Variants in KAT7 observed in about 807,000 individuals in gnomAD.
KAT7 encodes the protein lysine acetyltransferase 7, also known as histone acetyltransferase KAT7.
In KAT7, 10 loss-of-function variants were observed where a neutral mutation model predicts 82.1. The ratio of observed to expected loss-of-function variants is 0.12; its 90% CI spans 0.08 to 0.21. The LOEUF is 0.21. KAT7 is among the 10% of genes least tolerant of loss of function. The probability of loss-of-function intolerance (pLI) is 1.00; values close to 1 mark genes in which losing one functional copy is unlikely to be tolerated. For missense variants in KAT7, 378 were observed against 760.9 expected, an observed-to-expected ratio of 0.50 and a Z score of 5.92; for synonymous variants, 250 against 262.5, an observed-to-expected ratio of 0.95 and a Z score of 0.46.
chr17:49,804,214 C>T (rs927876044), intron 4 of KAT7, among the ~76,000 whole-genome samples: 10 of 151,780 alleles, frequency 6.6e-5, no homozygotes, highest in Non-Finnish European at 1.2e-4. Flanking sequence ...CCCATCTCTA[C>T]TAAAAATACA....
In KAT7 at chr17:49,805,373, A is replaced by G; in HGVS notation, c.591A>G (p.Thr197=). The stretch of plus-strand genomic sequence containing the variant: ...TCCCTCCTTTAACAGGACACCTTAC[A>G]GGAAAACATGAGAGACATTTCTCCA... ...TPGCNSLGHL[T]GKHERHFSIS... is the part of the protein sequence containing the mutation. The change falls in exon 5 of 15, where the codon ACA becomes ACG. Residue 197 remains threonine (T), a synonymous_variant. Coordinates refer to ENST00000259021, the MANE Select transcript of KAT7 (RefSeq NM_007067.5). The G allele has an allele frequency of 6.2e-7, 1 of 1,610,032 alleles. No individual in the cohort carries two copies. The highest frequency in any genetic ancestry group is 8.5e-7 in the Non-Finnish European group (1 of 1,176,410).
intron 6 of KAT7, among the ~76,000 whole-genome samples, chr17:49,810,259 AATTT>A (rs977061800): frequency 6.6e-6 from 1 of 151,986 alleles, no homozygotes; most frequent in African/African-American, 2.4e-5. Flanking sequence ...AATTTAATTT[AATTT>A]ATTTATTTTT....
intron 1 of KAT7, chr17:49,789,159 C>T: frequency 3.7e-6 from 1 of 268,506 alleles, no homozygotes; most frequent in Non-Finnish European, 7.1e-6. Context: ...CGGTCACCTC[C>T]CCGCGTGCGG....
chr17:49,811,474 A>C lies in KAT7; in HGVS notation c.754-2A>C. The stretch of plus-strand genomic sequence containing the variant: ...TCTCAGTTTTCTCCTTTTTCCTTTT[A>C]GGCACCAACGGAGAGACAGCTTCGA... On this transcript the variant is annotated splice_acceptor_variant, in intron 6 of 14. Coordinates refer to ENST00000259021, the MANE Select transcript of KAT7 (RefSeq NM_007067.5). LOFTEE classifies it high-confidence loss of function. 1 of 1,448,862 alleles carries C rather than the reference A, an allele frequency of 6.9e-7. No homozygotes were observed. Among genetic ancestry groups the C allele is most frequent in the Non-Finnish European group, 9.4e-7 (1 of 1,067,296 alleles). The allele number at this position is 1,448,862 out of a possible 1,614,324, so 89.8% of individuals were successfully genotyped here.
intron 9 of KAT7, among the ~76,000 whole-genome samples, chr17:49,819,721 A>G (rs2074278656): frequency 6.6e-6 from 1 of 152,202 alleles, no homozygotes; most frequent in Non-Finnish European, 1.5e-5. Context: ...AGGTGTGATC[A>G]CTGAAATGAA....
In KAT7 at chr17:49,788,720, G is replaced by A. The variant is rs536743421; in HGVS notation, c.-115G>A. The A allele has an allele frequency of 8.6e-7, 1 of 1,168,114 alleles. No homozygotes were observed. Among genetic ancestry groups the A allele is most frequent in the Non-Finnish European group, 1.2e-6 (1 of 841,276 alleles). 72.4% of individuals were successfully genotyped at this position (1,168,114 alleles called of 1,614,324 possible). The stretch of plus-strand genomic sequence containing the variant: ...ACGCTGAGAGGCAGGAGGCACTAGG[G>A]ATCGTCCGCAGGATTGGGACTGATA... On this transcript the variant is annotated 5_prime_UTR_variant, in exon 1 of 15. Coordinates refer to ENST00000259021, the MANE Select transcript of KAT7 (RefSeq NM_007067.5).
chr17:49,788,846 G>T lies in KAT7; in HGVS notation c.12G>T (p.Arg4Ser). ...CGCAGCCGCCGGCAATGCCGCGAAG[G>T]AAGGTGAGAAACGGGAGAGGAGGGA... MPRRKRNAGSSSDG... is the reference protein window; with the variant it reads MPRSKRNAGSSSDG... Residue 4 changes from arginine (R) to serine (S), a missense_variant, in exon 1 of 15, where the codon AGG becomes AGT. Coordinates refer to ENST00000259021, the MANE Select transcript of KAT7 (RefSeq NM_007067.5). 1.9e-6 allele frequency: 3 copies of T among 1,590,062 alleles called. No individual in the cohort carries two copies. Among genetic ancestry groups the T allele is most frequent in the Non-Finnish European group, 2.6e-6 (3 of 1,166,640 alleles).
At chr17:49,826,314 G>T in intron 13 of KAT7, 168 bp downstream of exon 13, 1 of 608,208 alleles carries the variant, frequency 1.6e-6, no homozygotes, top group Non-Finnish European at 2.8e-6. Flanking sequence ...CCTGGGAATG[G>T]TTATTAATTG....
Position 49,817,993 on chromosome 17 carries a change from G to T in KAT7, c.1137G>T (p.Thr379=), listed in dbSNP as rs760864168. ...GTTTAAAATATATGAAGAGCCAAAC[G>T]ATACTCCGCCGGCACATGGTGAGTT... ...EFCLKYMKSQ[T]ILRRHMAKCV... The change falls in exon 9 of 15, where the codon ACG becomes ACT. Residue 379 remains threonine, a synonymous_variant. Transcript: ENST00000259021. The T allele has an allele frequency of 6.2e-6, 10 of 1,613,588 alleles. No individual in the cohort carries two copies. The highest frequency in any genetic ancestry group is 2.7e-5 in the African/African-American group (2 of 74,912).
Position 49,833,117 on chromosome 17 carries a change from C to T in KAT7, c.*5615C>T, listed in dbSNP as rs552083083. 6.6e-6 allele frequency: 1 copy of T among 152,284 alleles called. No homozygotes were observed. The highest frequency in any genetic ancestry group is 2.4e-5 in the African/African-American group (1 of 41,564). 9.4% of individuals were successfully genotyped at this position (152,284 alleles called of 1,614,324 possible). On this transcript the variant is annotated 3_prime_UTR_variant, in exon 15 of 15. Coordinates refer to ENST00000259021, the MANE Select transcript of KAT7 (RefSeq NM_007067.5). The stretch of plus-strand genomic sequence containing the variant: ...TTTGCCCCTAACCTCTTGTGCAATA[C>T]CTTTAAGTCCAGGTCATGTTGTTAC...
At position 49,798,539 on chromosome 17, in the gene KAT7, AC is replaced by A; in HGVS notation, c.563del (p.Pro188GlnfsTer6). 6.2e-7 allele frequency: 1 copy of A among 1,611,668 alleles called. No homozygotes were observed. The highest frequency in any genetic ancestry group is 8.5e-7 in the Non-Finnish European group (1 of 1,178,008). ...ACAACTTCAATATGAAGTGTCCTACACCAGGCTGTAACTCTCTAGGTCAGTG... is the reference window on the plus strand; with the variant it reads ...ACAACTTCAATATGAAGTGTCCTACACAGGCTGTAACTCTCTAGGTCAGTG... The part of the protein sequence containing the change: ...SYNFNMKCPT[P>X]GCNSLGHLTG... On this transcript the variant is annotated frameshift_variant, in exon 4 of 15. Coordinates refer to ENST00000259021, the MANE Select transcript of KAT7 (RefSeq NM_007067.5). LOFTEE classifies it high-confidence loss of function.
rs79791586 is a variant in KAT7, at chr17:49,824,257, C to G, written c.1480+962C>G. Among the ~76,000 whole-genome samples the G allele has an allele frequency of 6.5e-3, 990 of 152,284 alleles. 11 individuals are homozygous for G. Among genetic ancestry groups the G allele is most frequent in the African/African-American group, 0.023 (947 of 41,556 alleles). On this transcript the variant is annotated intron_variant, in intron 12 of 14. Transcript: ENST00000259021. ...AACATAACTGCTGTGAATAACAAGA[C>G]TCTACTGTGTGTTATTCTATATTTG...
rs545913385 is a variant in KAT7, at chr17:49,790,196, T to G, written c.15+1347T>G. The stretch of plus-strand genomic sequence containing the variant: ...GCTGGTGGGTGGTATGTATGTGTTT[T>G]TTTGTTTGTTTGTTTTTGAGACGAG... On this transcript the variant is annotated intron_variant, in intron 1 of 14. Transcript: ENST00000259021. 2.0e-5 allele frequency among the ~76,000 whole-genome samples: 3 copies of G among 152,178 alleles called. No homozygotes were observed. In the East Asian group the frequency reaches 5.8e-4, roughly 29 times the overall value.
In KAT7 at chr17:49,829,256, T is replaced by TA. The variant is rs1400630025; in HGVS notation, c.*1757dup. ...TTTTCCCTGTGATACAGGCTGTCTG[T>TA]AAAGATCAAGGGAGTGCTCACTCTG... On this transcript the variant is annotated 3_prime_UTR_variant, in exon 15 of 15. Coordinates refer to ENST00000259021, the MANE Select transcript of KAT7 (RefSeq NM_007067.5). The TA allele has an allele frequency of 6.6e-6, 1 of 152,228 alleles. No homozygotes were observed. The highest frequency in any genetic ancestry group is 1.5e-5 in the Non-Finnish European group (1 of 68,036). 9.4% of individuals were successfully genotyped at this position (152,228 alleles called of 1,614,324 possible). A position where few individuals can be genotyped will look rare whatever the true frequency, so the allele number is the denominator to read the frequency against.
At chr17:49,810,091 T>G (rs534689309) in intron 6 of KAT7, among the ~76,000 whole-genome samples, 4 of 152,298 alleles carry the variant, frequency 2.6e-5, no homozygotes, top group Admixed American at 1.3e-4. Context: ...GCAGGTCAAC[T>G]AACCTATTTC....
chr17:49,823,336 A>G (rs959709668), intron 12 of KAT7, 41 bp downstream of exon 12: 2 of 1,054,132 alleles, frequency 1.9e-6, no homozygotes, highest in African/African-American at 3.1e-5. Context: ...CAAGGCAGGG[A>G]CCATGTGAAT....
Position 49,833,864 on chromosome 17 carries a change from C to T in KAT7, c.*6362C>T, listed in dbSNP as rs2074442913. 6.6e-6 allele frequency: 1 copy of T among 152,176 alleles called. No individual in the cohort carries two copies. The highest frequency in any genetic ancestry group is 1.5e-5 in the Non-Finnish European group (1 of 68,040). The allele number at this position is 152,176 out of a possible 1,614,324, so 9.4% of individuals were successfully genotyped here. A position where few individuals can be genotyped will look rare whatever the true frequency, so the allele number is the denominator to read the frequency against. ...GATACATGGCAATGGAGAAGTGAAA[C>T]AAGGGGACTTCGGAAACTAAAGGGC... On this transcript the variant is annotated 3_prime_UTR_variant, in exon 15 of 15. Transcript: ENST00000259021.
At chr17:49,802,838 A>C (rs543643433) in intron 4 of KAT7, among the ~76,000 whole-genome samples, 1 of 152,204 alleles carries the variant, frequency 6.6e-6, no homozygotes, top group South Asian at 2.1e-4. Context: ...TGATCCTGGC[A>C]CCTCAGCCTT....
At chr17:49,789,957 A>C (rs1253249213) in intron 1 of KAT7, 1 of 152,162 alleles carries the variant, frequency 6.6e-6, no homozygotes, top group African/African-American at 2.4e-5. Flanking sequence ...CAAGGCTTTA[A>C]ATATCTCGGT....
Sources: gnomAD v4.1 joint callset for allele counts (sites outside exome capture counted in the v4.1 genomes callset) on GRCh38, gnomAD v4.1.1 for gene constraint, MANE v1.5 for transcripts, NCBI Gene and HGNC (gene_info 2026-07-23, HGNC 2026-07-21) for gene names.